The following CPXM2 variants were observed in gnomAD, a reference collection of about 807,000 sequenced individuals.
CPXM2 encodes the protein carboxypeptidase X, M14 family member 2.
A neutral mutation model predicts 86.1 loss-of-function variants in CPXM2; 66 were observed. The ratio of observed to expected loss-of-function variants is 0.77; its 90% CI spans 0.63 to 0.94. The LOEUF is 0.94. CPXM2 is among the 40% of genes least tolerant of loss of function. CPXM2 has a pLI of 0.00. For missense variants in CPXM2, 948 were observed against 1,026.3 expected (o/e 0.92, Z 1.04); for synonymous variants, 388 against 400.2 (o/e 0.97, Z 0.36).
intron 3 of CPXM2, among the ~76,000 whole-genome samples, chr10:123,844,262 G>C (rs535937932): frequency 6.6e-6 from 1 of 151,792 alleles, no homozygotes; most frequent in African/African-American, 2.4e-5. Context: ...TAATAATGTA[G>C]GGAAATCGCT....
chr10:123,879,280 C>T (rs28687162), intron 2 of CPXM2, among the ~76,000 whole-genome samples: 4,115 of 152,260 alleles, frequency 0.027, 112 homozygotes, highest in East Asian at 0.11. Flanking sequence ...TGTTTATGGA[C>T]TCACATGGCA....
In CPXM2 at chr10:123,746,609, G is replaced by C. The variant is rs539695974; in HGVS notation, c.*155C>G. On this transcript the variant is annotated 3_prime_UTR_variant, in exon 14 of 14. Coordinates refer to ENST00000241305, the MANE Select transcript of CPXM2 (RefSeq NM_198148.3). ...GAAAAGAAAACAGCCTCAGCCTCCA[G>C]CCTTCCCTTTTGGGACCTGCCTCAC... The C allele has an allele frequency of 1.4e-6, 1 of 701,746 alleles. No homozygotes were observed. The highest frequency in any genetic ancestry group is 1.8e-5 in the African/African-American group (1 of 56,420). The allele number at this position is 701,746 out of a possible 1,614,324, so 43.5% of individuals were successfully genotyped here. A position where few individuals can be genotyped will look rare whatever the true frequency, so the allele number is the denominator to read the frequency against.
At chr10:123,843,087 G>C (rs1848419537) in intron 3 of CPXM2, among the ~76,000 whole-genome samples, 1 of 151,530 alleles carries the variant, frequency 6.6e-6, no homozygotes, top group Non-Finnish European at 1.5e-5. Flanking sequence ...CATTTGATGT[G>C]TTCAGTATCA....
chr10:123,798,884 G>T (rs1847392948), intron 5 of CPXM2, among the ~76,000 whole-genome samples: 1 of 152,228 alleles, frequency 6.6e-6, no homozygotes, highest in Non-Finnish European at 1.5e-5. Context: ...CATTCCTGCA[G>T]TTGCCTGATG....
chr10:123,772,525 C>A (rs1335841502), intron 7 of CPXM2, among the ~76,000 whole-genome samples: 2 of 151,960 alleles, frequency 1.3e-5, no homozygotes, highest in Non-Finnish European at 2.9e-5. Context: ...TTATCACCTC[C>A]CTGGTTGTGG....
At position 123,865,309 on chromosome 10, in the gene CPXM2, T is replaced by C. The variant is rs1201544315; in HGVS notation, c.404-2586A>G. 6.6e-6 allele frequency among the ~76,000 whole-genome samples: 1 copy of C among 152,172 alleles called. No homozygotes were observed. Among genetic ancestry groups the C allele is most frequent in the Non-Finnish European group, 1.5e-5 (1 of 68,034 alleles). The stretch of plus-strand genomic sequence containing the variant: ...TGCCACTTACAAAGAAGCTAGAGAT[T>C]CCACACAGAGAAAACACAATGTCCT... On this transcript the variant is annotated intron_variant, in intron 2 of 13. Transcript: ENST00000241305. This position sits in a 1 kb window ranked among gnomAD's most constrained non-coding sequence, Gnocchi z 4.7.
chr10:123,869,271 G>A (rs573942427), intron 2 of CPXM2, among the ~76,000 whole-genome samples: 11 of 152,260 alleles, frequency 7.2e-5, no homozygotes, highest in African/African-American at 2.2e-4. Flanking sequence ...CAGGAAAGCG[G>A]GCTCCGACAA....
chr10:123,876,436 C>T (rs1590090667), intron 2 of CPXM2, among the ~76,000 whole-genome samples: 1 of 152,028 alleles, frequency 6.6e-6, no homozygotes, highest in Admixed American at 6.6e-5. Context: ...GGAACCAGCA[C>T]CATAAGAAAG....
intron 2 of CPXM2, among the ~76,000 whole-genome samples, chr10:123,877,332 T>C (rs1405400826): frequency 6.6e-6 from 1 of 152,244 alleles, no homozygotes; most frequent in East Asian, 1.9e-4. Flanking sequence ...ATGCTTTATC[T>C]TCATTGTATT....
intron 2 of CPXM2, among the ~76,000 whole-genome samples, chr10:123,917,852 C>A (rs1945546219): frequency 6.6e-6 from 1 of 152,226 alleles, no homozygotes; most frequent in Non-Finnish European, 1.5e-5. Context: ...TTCAACAAAT[C>A]TTTATTGAAC....
intron 2 of CPXM2, among the ~76,000 whole-genome samples, chr10:123,917,772 T>G (rs770200843): frequency 1.2e-4 from 19 of 152,230 alleles, no homozygotes; most frequent in Non-Finnish European, 2.2e-4. Context: ...TTTTCAGGAC[T>G]GAGAAAGGAT....
At chr10:123,804,003 A>G (rs950831881) in intron 4 of CPXM2, among the ~76,000 whole-genome samples, 15 of 152,108 alleles carry the variant, frequency 9.9e-5, no homozygotes, top group African/African-American at 3.6e-4. Context: ...CTGACCTAGA[A>G]CCATTTATAT....
intron 2 of CPXM2, among the ~76,000 whole-genome samples, chr10:123,874,529 C>T (rs1193620046): frequency 6.6e-6 from 1 of 152,216 alleles, no homozygotes; most frequent in Non-Finnish European, 1.5e-5. Context: ...GGAAAGAAGT[C>T]TACTTTCACC....
chr10:123,825,249 G>C (rs538412413), intron 4 of CPXM2, among the ~76,000 whole-genome samples: 1 of 152,290 alleles, frequency 6.6e-6, no homozygotes, highest in Admixed American at 6.5e-5. Context: ...AGACAGAGAG[G>C]AAGGGGGCAG....
chr10:123,938,717 T>C (rs1945745931), intron 2 of CPXM2, among the ~76,000 whole-genome samples: 1 of 152,156 alleles, frequency 6.6e-6, no homozygotes, highest in African/African-American at 2.4e-5. Flanking sequence ...ACCGCAGCCA[T>C]CTTGCAGATA....
chr10:123,757,157 G>T, intron 12 of CPXM2, 56 bp downstream of exon 12: 1 of 1,543,570 alleles, frequency 6.5e-7, no homozygotes, highest in Non-Finnish European at 8.9e-7. Flanking sequence ...CAGCCACCTC[G>T]GCAGCCTCAT....
intron 4 of CPXM2, among the ~76,000 whole-genome samples, chr10:123,807,071 A>G (rs1402717158): frequency 2.0e-5 from 3 of 152,208 alleles, no homozygotes; most frequent in Non-Finnish European, 4.4e-5. Context: ...GAATGGGGTA[A>G]TGCAAGTAGT....
At chr10:123,858,704 T>C (rs563592862) in intron 3 of CPXM2, among the ~76,000 whole-genome samples, 31 of 152,346 alleles carry the variant, frequency 2.0e-4, no homozygotes, top group Middle Eastern at 3.4e-3. Context: ...GTGCCAATAA[T>C]GCTTGGAGCT....
intron 1 of CPXM2, among the ~76,000 whole-genome samples, chr10:123,884,624 A>G (rs1403324333): frequency 6.6e-6 from 1 of 152,190 alleles, no homozygotes; most frequent in Non-Finnish European, 1.5e-5. Flanking sequence ...TGGGCTGGAC[A>G]TGGAGGTACT....
Sources: gnomAD v4.1 joint callset for allele counts (sites outside exome capture counted in the v4.1 genomes callset) on GRCh38, gnomAD v4.1.1 for gene constraint, Gnocchi (gnomAD v3.1) non-coding constraint, MANE v1.5 for transcripts, NCBI Gene and HGNC (gene_info 2026-07-23, HGNC 2026-07-21) for gene names.